Variants in MYO18B observed in about 807,000 individuals in gnomAD.
MYO18B encodes the protein myosin XVIIIB, also known as unconventional myosin-XVIIIb.
Under a neutral mutation model 273.0 loss-of-function variants are expected in MYO18B, and 204 were observed. The ratio of observed to expected loss-of-function variants is 0.75; its 90% CI spans 0.67 to 0.84. The LOEUF is 0.84. MYO18B is among the 40% of genes least tolerant of loss of function. The pLI is 0.00. For missense variants in MYO18B, 3,212 were observed against 3,287.6 expected, an observed-to-expected ratio of 0.98 and a Z score of 0.56; for synonymous variants, 1,330 against 1,305.7, an observed-to-expected ratio of 1.02 and a Z score of -0.40.
the MYO18B span, among the ~76,000 whole-genome samples, chr22:26,048,316 G>C: frequency 1.5e-4 from 23 of 152,310 alleles, no homozygotes; most frequent in South Asian, 4.8e-3. Flanking sequence ...AGAGTCCCCA[G>C]ACTCTAGACC....
intron 21 of MYO18B, among the ~76,000 whole-genome samples, chr22:25,868,064 G>A (rs967693346): frequency 3.3e-5 from 5 of 152,128 alleles, no homozygotes; most frequent in East Asian, 1.9e-4. Flanking sequence ...ATTTCATTTC[G>A]TATCTTTGGT....
chr22:25,797,512 C>T (rs1004694588), intron 11 of MYO18B, among the ~76,000 whole-genome samples: 1 of 152,178 alleles, frequency 6.6e-6, no homozygotes, highest in African/African-American at 2.4e-5. Flanking sequence ...CTAGGCCCTA[C>T]CTATAGACCC....
At position 25,777,660 on chromosome 22, in the gene MYO18B, C is replaced by G. The variant is rs2086968334; in HGVS notation, c.1947C>G (p.Asn649Lys). ...MAQRAYWALL[N>K]QRRDQSIVAL... is the part of the protein sequence containing the mutation. ...AGCGGGCATACTGGGCGCTGCTGAA[C>G]CAGCGGAGAGACCAGAGCATTGTGG... The change falls in exon 8 of 44, where the codon AAC (asparagine) becomes AAG (lysine). Residue 649 changes from asparagine (N) to lysine (K), a missense_variant. Transcript: ENST00000335473. 1.2e-6 allele frequency: 2 copies of G among 1,613,134 alleles called. No individual in the cohort carries two copies. Among genetic ancestry groups the G allele is most frequent in the Admixed American group, 1.7e-5 (1 of 59,944 alleles).
intron 1 of MYO18B, among the ~76,000 whole-genome samples, chr22:25,748,537 C>T (rs887445009): frequency 1.3e-5 from 2 of 152,178 alleles, no homozygotes; most frequent in Non-Finnish European, 1.5e-5. Context: ...CCTGGAAATT[C>T]CTTGTGAAGT....
At chr22:26,013,793 C>T (rs1275027163) in intron 42 of MYO18B, among the ~76,000 whole-genome samples, 3 of 152,110 alleles carry the variant, frequency 2.0e-5, no homozygotes, top group African/African-American at 4.8e-5. Flanking sequence ...TATCTTCATT[C>T]GAATATCCTC....
At chr22:25,789,126 T>TTCCTCCTCCTCCTCC (rs1239699093) in intron 11 of MYO18B, among the ~76,000 whole-genome samples, 1 of 111,368 alleles carries the variant, frequency 9.0e-6, no homozygotes, top group East Asian at 2.8e-4. Flanking sequence ...CCTCCTCCTC[T>TTCCTCCTCCTCCTCC]TCCTCCTCCT....
chr22:25,930,454 A>G (rs1311514250), intron 34 of MYO18B, among the ~76,000 whole-genome samples: 2 of 151,308 alleles, frequency 1.3e-5, no homozygotes, highest in African/African-American at 2.4e-5. Context: ...TCTCCCCGCC[A>G]TGCCACCAAT....
chr22:25,864,665 C>T (rs1464012995), intron 21 of MYO18B, among the ~76,000 whole-genome samples: 1 of 152,186 alleles, frequency 6.6e-6, no homozygotes, highest in South Asian at 2.1e-4. Context: ...CATTTAATTG[C>T]ACTGGGCCTC....
In MYO18B at chr22:25,874,316, C is replaced by G. The variant is rs914972197; in HGVS notation, c.3982C>G (p.Leu1328Val). 1 of 1,613,960 alleles carries G rather than the reference C, an allele frequency of 6.2e-7. No individual in the cohort carries two copies. Among genetic ancestry groups the G allele is most frequent in the African/African-American group, 1.3e-5 (1 of 75,042 alleles). ...TCTCAAGGCAGGTGTGATCTCCAGG[C>G]TTGAGAAGCAGCGAGAGAAGCTGGT... ...VFLKAGVISR[L>V]EKQREKLVSQ... is the part of the protein sequence containing the mutation. The change falls in exon 23 of 44, where the codon CTT (leucine) becomes GTT (valine). Residue 1328 changes from leucine (L) to valine (V), a missense_variant. Physicochemically the swap from Leu to Val is conservative, Grantham distance 32 (BLOSUM62 1). Coordinates refer to ENST00000335473, the MANE Select transcript of MYO18B (RefSeq NM_032608.7).
chr22:25,842,114 G>A (rs1459906401), intron 17 of MYO18B, among the ~76,000 whole-genome samples: 1 of 152,214 alleles, frequency 6.6e-6, no homozygotes, highest in East Asian at 1.9e-4. Context: ...CAGCCACACA[G>A]GTGGCAGATG....
chr22:25,805,589 G>A (rs564602092), intron 12 of MYO18B, among the ~76,000 whole-genome samples: 3 of 152,162 alleles, frequency 2.0e-5, no homozygotes, highest in Admixed American at 1.3e-4. Context: ...TTTCTACCCC[G>A]ATCTGTTCTC....
intron 36 of MYO18B, among the ~76,000 whole-genome samples, chr22:25,949,273 T>C (rs75483586): frequency 1.3e-5 from 2 of 152,280 alleles, no homozygotes; most frequent in South Asian, 2.1e-4. Flanking sequence ...AGGTGCTCAG[T>C]AAATCACTGT....
At chr22:26,058,342 G>A in the MYO18B span, among the ~76,000 whole-genome samples, 9,883 of 152,150 alleles carry the variant, frequency 0.065, 449 homozygotes, top group Middle Eastern at 0.14. Flanking sequence ...GTGGGAGAAG[G>A]TGGTTGCTGG....
At position 25,916,989 on chromosome 22, in the gene MYO18B, G is replaced by A. The variant is rs184705001; in HGVS notation, c.5365-4268G>A. 1.1e-4 allele frequency among the ~76,000 whole-genome samples: 17 copies of A among 152,250 alleles called. No homozygotes were observed. The East Asian group carries it at 1.7e-3, about 16-fold the overall frequency. Reference sequence around the variant, plus strand: ...AGAGGTTGTAGTGAGCCGAGATTGCGCCACTGCACTCCAGCCTGGGTGACA... The same window carrying A: ...AGAGGTTGTAGTGAGCCGAGATTGCACCACTGCACTCCAGCCTGGGTGACA... On this transcript the variant is annotated intron_variant, in intron 33 of 43. Coordinates refer to ENST00000335473, the MANE Select transcript of MYO18B (RefSeq NM_032608.7).
chr22:25,885,537 G>A (rs1253843684), intron 25 of MYO18B, among the ~76,000 whole-genome samples: 1 of 152,116 alleles, frequency 6.6e-6, no homozygotes, highest in East Asian at 1.9e-4. Context: ...CAATTCTGGT[G>A]GTTGGAGTGT....
chr22:25,852,915 G>A (rs1258320573), intron 21 of MYO18B, among the ~76,000 whole-genome samples: 1 of 152,210 alleles, frequency 6.6e-6, no homozygotes, highest in Non-Finnish European at 1.5e-5. Flanking sequence ...ATACATAGGG[G>A]ATCCACATAA....
At chr22:25,876,616 A>G (rs1361265051) in intron 24 of MYO18B, among the ~76,000 whole-genome samples, 1 of 144,274 alleles carries the variant, frequency 6.9e-6, no homozygotes, top group African/African-American at 2.6e-5. Context: ...CTCAATGGGC[A>G]GAGTCTTTGA....
intron 42 of MYO18B, among the ~76,000 whole-genome samples, chr22:26,018,921 A>G (rs761513248): frequency 9.2e-5 from 14 of 152,172 alleles, no homozygotes; most frequent in Non-Finnish European, 1.9e-4. Context: ...GTGCCATTGC[A>G]CTCCAGCCTG....
intron 22 of MYO18B, among the ~76,000 whole-genome samples, chr22:25,869,281 C>T (rs1258632990): frequency 6.6e-6 from 1 of 151,774 alleles, no homozygotes; most frequent in Non-Finnish European, 1.5e-5. Flanking sequence ...AAACCCCCAT[C>T]TCTACAAAAA....
Sources: gnomAD v4.1 joint callset for allele counts (sites outside exome capture counted in the v4.1 genomes callset) on GRCh38, gnomAD v4.1.1 for gene constraint, MANE v1.5 for transcripts, NCBI Gene and HGNC (gene_info 2026-07-23, HGNC 2026-07-21) for gene names.